DYNC2H1: variants seen among roughly 807,000 people sequenced by gnomAD.
The protein encoded by DYNC2H1 is dynein cytoplasmic 2 heavy chain 1, also known as cytoplasmic dynein 2 heavy chain 1.
A neutral mutation model predicts 570.0 loss-of-function variants in DYNC2H1; 410 were observed. The observed-to-expected ratio is 0.72, with a 90% CI of 0.66 to 0.78. DYNC2H1 has a LOEUF of 0.78. Among genes scored for constraint, DYNC2H1 ranks in the 30% least tolerant of loss-of-function variants. The pLI is 0.00. For missense variants in DYNC2H1, 4,865 were observed against 5,046.4 expected, an observed-to-expected ratio of 0.96 and a Z score of 1.09; for synonymous variants, 1,688 against 1,677.6, an observed-to-expected ratio of 1.01 and a Z score of -0.15.
At chr11:103,399,936 T>A in intron 84 of DYNC2H1, 64 bp downstream of exon 84, 1 of 1,358,216 alleles carries the variant, frequency 7.4e-7, no homozygotes, top group Admixed American at 1.9e-5. Context: ...CCATCACACA[T>A]ATATTTGTCA....
At chr11:103,330,732 A>G (rs772879073) in intron 82 of DYNC2H1, among the ~76,000 whole-genome samples, 2 of 151,840 alleles carry the variant, frequency 1.3e-5, no homozygotes, top group Admixed American at 6.6e-5. Flanking sequence ...CATCTCCTTC[A>G]TGTCCCTCCT....
rs1217482733 is a variant in DYNC2H1 at position 103,183,186 on chromosome 11, T to C, written c.6477+1300T>C. On this transcript the variant is annotated intron_variant, in intron 40 of 88. Coordinates refer to ENST00000375735, the MANE Select transcript of DYNC2H1 (RefSeq NM_001377.3). ...TAGCAAATGAATGATAGTATTGTGC[T>C]TAATTATATACCTGATGCCTACATT... is the stretch of plus-strand genomic sequence containing the variant. Among the ~76,000 whole-genome samples, 6 of 152,070 alleles carry C rather than the reference T, an allele frequency of 3.9e-5. No individual in the cohort carries two copies. In the East Asian group the frequency reaches 9.7e-4, roughly 24 times the overall value.
intron 82 of DYNC2H1, among the ~76,000 whole-genome samples, chr11:103,343,506 G>A (rs1169698433): frequency 6.6e-6 from 1 of 152,102 alleles, no homozygotes; most frequent in African/African-American, 2.4e-5. Flanking sequence ...CATCGGGGGT[G>A]GGGAGACTAT....
intron 88 of DYNC2H1, among the ~76,000 whole-genome samples, chr11:103,473,738 A>G (rs1282107022): frequency 6.6e-6 from 1 of 152,218 alleles, no homozygotes; most frequent in Non-Finnish European, 1.5e-5. Flanking sequence ...GGCATTCCAC[A>G]GGAAGTCAGT....
At chr11:103,419,196 C>T (rs1943392654) in intron 84 of DYNC2H1, among the ~76,000 whole-genome samples, 1 of 152,184 alleles carries the variant, frequency 6.6e-6, no homozygotes, top group Non-Finnish European at 1.5e-5. Context: ...TAGACTTAGC[C>T]ATTCCAGCCT....
At chr11:103,379,822 C>A (rs1178693857) in intron 83 of DYNC2H1, among the ~76,000 whole-genome samples, 1 of 152,136 alleles carries the variant, frequency 6.6e-6, no homozygotes, top group African/African-American at 2.4e-5. Flanking sequence ...CAGCATGCTC[C>A]AGAAGCCCTC....
At chr11:103,180,242 A>T (rs1341929634) in intron 39 of DYNC2H1, among the ~76,000 whole-genome samples, 1 of 151,676 alleles carries the variant, frequency 6.6e-6, no homozygotes, top group Admixed American at 6.6e-5. Context: ...TAAATTTTAA[A>T]GTACTTGTTA....
Position 103,170,355 on chromosome 11 carries a change from G to A in DYNC2H1, c.5151+65G>A. The A allele has an allele frequency of 7.2e-7, 1 of 1,382,238 alleles. No individual in the cohort carries two copies. The highest frequency in any genetic ancestry group is 3.0e-5 in the Admixed American group (1 of 32,854). The allele number at this position is 1,382,238 out of a possible 1,614,324, so 85.6% of individuals were successfully genotyped here. A position where few individuals can be genotyped will look rare whatever the true frequency, so the allele number is the denominator to read the frequency against. The stretch of plus-strand genomic sequence containing the variant: ...ATCATATTTAGATTAGTTTCTATTA[G>A]TATATGAAATACTCTACTTAAAAAT... On this transcript the variant is annotated intron_variant, in intron 33 of 88. Coordinates refer to ENST00000375735, the MANE Select transcript of DYNC2H1 (RefSeq NM_001377.3). This position sits in a 1 kb window ranked among gnomAD's most constrained non-coding sequence, Gnocchi z 4.8.
At chr11:103,411,994 A>C (rs72985414) in intron 84 of DYNC2H1, among the ~76,000 whole-genome samples, 8,078 of 152,218 alleles carry the variant, frequency 0.053, 267 homozygotes, top group Non-Finnish European at 0.077. Context: ...TATTCTTAGA[A>C]ATCGTTTAGG....
chr11:103,194,199 T>C (rs1862427302), intron 47 of DYNC2H1, among the ~76,000 whole-genome samples: 1 of 151,150 alleles, frequency 6.6e-6, no homozygotes, highest in East Asian at 1.9e-4. Flanking sequence ...GAAAGTTATC[T>C]TGACTCAACC....
intron 81 of DYNC2H1, among the ~76,000 whole-genome samples, chr11:103,322,708 A>G (rs1440993831): frequency 1.3e-5 from 2 of 152,208 alleles, no homozygotes; most frequent in Non-Finnish European, 2.9e-5. Context: ...CTATTTTGAA[A>G]TAAGCAAAGT....
chr11:103,234,776 A>G (rs950187191), intron 61 of DYNC2H1, among the ~76,000 whole-genome samples: 1 of 151,870 alleles, frequency 6.6e-6, no homozygotes, highest in Non-Finnish European at 1.5e-5. Flanking sequence ...TGTATTTCCA[A>G]CTATACATTA....
At chr11:103,242,974 C>T (rs1338368244) in intron 63 of DYNC2H1, among the ~76,000 whole-genome samples, 1 of 152,058 alleles carries the variant, frequency 6.6e-6, no homozygotes, top group African/African-American at 2.4e-5. Flanking sequence ...CCACCTCAGC[C>T]TCCCAAAGCC....
intron 12 of DYNC2H1, among the ~76,000 whole-genome samples, chr11:103,127,646 A>T (rs947545262): frequency 1.3e-5 from 2 of 152,222 alleles, no homozygotes; most frequent in Admixed American, 1.3e-4. Flanking sequence ...TAAATGCCTT[A>T]GACTCAGCCC....
chr11:103,477,814 G>C (rs1278506048), intron 88 of DYNC2H1, among the ~76,000 whole-genome samples: 2 of 102,070 alleles, frequency 2.0e-5, no homozygotes, highest in Non-Finnish European at 3.6e-5. Context: ...CGGGGCGACA[G>C]AGCAAGACTC....
chr11:103,210,987 T>G (rs1047387376), intron 53 of DYNC2H1, among the ~76,000 whole-genome samples: 1 of 152,050 alleles, frequency 6.6e-6, no homozygotes, highest in African/African-American at 2.4e-5. Context: ...TCTTCAGTTA[T>G]TGGAAAATAG....
At chr11:103,475,444 A>G (rs1945520715) in intron 88 of DYNC2H1, among the ~76,000 whole-genome samples, 1 of 152,196 alleles carries the variant, frequency 6.6e-6, no homozygotes, top group Non-Finnish European at 1.5e-5. Flanking sequence ...AATTCAGTTA[A>G]GGAGTATTCA....
intron 28 of DYNC2H1, among the ~76,000 whole-genome samples, chr11:103,159,712 T>C (rs1263532569): frequency 1.3e-5 from 2 of 152,174 alleles, no homozygotes; most frequent in East Asian, 3.8e-4. Context: ...AAATGACTTC[T>C]TCTATAGAGC....
chr11:103,254,359 C>T lies in DYNC2H1; in HGVS notation c.10206+911C>T, dbSNP rs549806668. Among the ~76,000 whole-genome samples, 71 of 152,256 alleles carry T rather than the reference C, an allele frequency of 4.7e-4. 1 individual carries two copies. Among genetic ancestry groups the T allele is most frequent in the African/African-American group, 1.5e-3 (64 of 41,548 alleles). Reference sequence around the variant, plus strand: ...ACTTAGCAAGAACTAAATGAAGATGCTTATACAGCAGATTTTGAATTACAT... The same window carrying T: ...ACTTAGCAAGAACTAAATGAAGATGTTTATACAGCAGATTTTGAATTACAT... On this transcript the variant is annotated intron_variant, in intron 66 of 88. Transcript: ENST00000375735. The surrounding 1 kb of genome is among the most constrained non-coding windows in gnomAD (Gnocchi z 4.9).
Sources: allele counts gnomAD v4.1 joint callset (sites outside exome capture counted in the v4.1 genomes callset), GRCh38; gene constraint gnomAD v4.1.1; non-coding constraint Gnocchi (gnomAD v3.1); transcripts MANE v1.5; gene names NCBI Gene and HGNC (gene_info 2026-07-23, HGNC 2026-07-21).